Variants in TTN observed in about 807,000 individuals in gnomAD.
TTN encodes connectin.
Under a neutral mutation model 3,223.0 loss-of-function variants are expected in TTN, and 1,525 were observed. That is an observed-to-expected ratio of 0.47 (90% CI 0.45 to 0.49). The LOEUF (loss-of-function observed/expected upper bound fraction) is 0.49. Ranked by LOEUF, TTN falls within the 20% of genes least tolerant of loss-of-function variation. TTN has a pLI of 0.00. For synonymous variants in TTN, 14,094 were observed against 15,161.0 expected (o/e 0.93, Z 5.17); for missense variants, 40,786 against 43,424.0 (o/e 0.94, Z 5.40).
Position 178,591,516 on chromosome 2 carries a change from A to G in TTN, c.60221-12T>C, listed in dbSNP as rs767422374. On this transcript the variant is annotated splice_polypyrimidine_tract_variant and intron_variant, in intron 303 of 362. Transcript: ENST00000589042. ...CACGGATGGAGGCACTGAAAAGTAA[A>G]CATGAAAAAATTAGATTTTGATTTT... 6.3e-7 allele frequency: 1 copy of G among 1,583,392 alleles called. No homozygotes were observed. The highest frequency in any genetic ancestry group is 8.5e-7 in the Non-Finnish European group (1 of 1,171,308).
At chr2:178,748,543 T>A (rs1356759788) in intron 47 of TTN, 2 of 1,613,042 alleles carry the variant, frequency 1.2e-6, no homozygotes, top group Non-Finnish European at 1.7e-6. Context: ...AATACATTTG[T>A]TTTAGATCAA....
In TTN at chr2:178,529,163, G is replaced by T; in HGVS notation, c.106588C>A (p.Pro35530Thr). The change falls in exon 360 of 363, where the codon CCT (proline) becomes ACT (threonine). Residue 35530 changes from proline (P) to threonine (T), a missense_variant. Coordinates refer to ENST00000589042, the MANE Select transcript of TTN (RefSeq NM_001267550.2). ...VSTQKTSEIT[P>T]QKKAVVQEEI... is the part of the protein sequence containing the mutation. ...TCTTGGACAACAGCTTTCTTCTGAG[G>T]TGTAATTTCAGAAGTCTTTTGTGTA... 1 of 1,553,170 alleles carries T rather than the reference G, an allele frequency of 6.4e-7. No individual in the cohort carries two copies. Among genetic ancestry groups the T allele is most frequent in the Non-Finnish European group, 8.7e-7 (1 of 1,155,310 alleles).
rs2154155954 is a variant in TTN at position 178,557,835 on chromosome 2, G to A, written c.87519C>T (p.Tyr29173=). Residue 29173 remains tyrosine (Y), a synonymous_variant, in exon 328 of 363, where the codon TAC becomes TAT. Transcript: ENST00000589042. ...TACTTGTTTCTCTTTTGAGTAGAAT[G>A]TAGTTGGTAACTTGACTTCCACCGT... ...KYDGGSQVTN[Y]ILLKRETSTA... The A allele has an allele frequency of 1.2e-6, 2 of 1,613,962 alleles. No homozygotes were observed. Among genetic ancestry groups the A allele is most frequent in the Non-Finnish European group, 1.7e-6 (2 of 1,179,846 alleles).
rs745424139 is a variant in TTN at position 178,611,062 on chromosome 2, C to T, written c.51067G>A (p.Gly17023Arg). ...EVPKSVRADA[G>R]IYTITLENKL... ...TTCTCCAGTGTAATGGTATAAATTC[C>T]GGCATCTGCACGGACACTCTTGGGA... The change falls in exon 270 of 363, where the codon GGA becomes AGA. Residue 17023 changes from glycine to arginine, a missense_variant. Coordinates refer to ENST00000589042, the MANE Select transcript of TTN (RefSeq NM_001267550.2). 1.4e-5 allele frequency: 22 copies of T among 1,612,682 alleles called. No homozygotes were observed. The highest frequency in any genetic ancestry group is 6.7e-5 in the Admixed American group (4 of 59,938).
At chr2:178,615,004 G>A in intron 259 of TTN, 36 bp from the exon 260 acceptor site, 1 of 1,537,560 alleles carries the variant, frequency 6.5e-7, no homozygotes, top group Non-Finnish European at 8.9e-7. Flanking sequence ...TTACTGTGAT[G>A]TCGATAATCG....
intron 334 of TTN, 50 bp from the exon 335 acceptor site, chr2:178,553,446 G>GTGATTTCC: frequency 6.4e-7 from 1 of 1,571,826 alleles, no homozygotes. Flanking sequence ...GCAAAAAAGA[G>GTGATTTCC]TGATTTCCTG....
intron 34 of TTN, 67 bp downstream of exon 34, chr2:178,771,142 TTG>T: frequency 6.2e-7 from 1 of 1,608,998 alleles, no homozygotes; most frequent in Non-Finnish European, 8.5e-7. Context: ...GCCATATCGT[TTG>T]TCTTTTAAAA....
chr2:178,557,426 C>T lies in TTN; in HGVS notation c.87836G>A (p.Arg29279Lys). Residue 29279 changes from arginine to lysine, a missense_variant, in exon 329 of 363, where the codon AGA becomes AAA. Coordinates refer to ENST00000589042, the MANE Select transcript of TTN (RefSeq NM_001267550.2). The stretch of plus-strand genomic sequence containing the variant: ...GGCTTTTTGCCATAAAATACTGTTT[C>T]TGTCTTTCATTTCCAGGTGATAGCC... The part of the protein sequence containing the change: ...VVGYHLEMKD[R>K]NSILWQKANK... 6.2e-7 allele frequency: 1 copy of T among 1,613,944 alleles called. No homozygotes were observed. The highest frequency in any genetic ancestry group is 1.1e-5 in the South Asian group (1 of 91,086).
Position 178,794,907 on chromosome 2 carries a change from C to T in TTN, c.1245+15G>A, listed in dbSNP as rs778180261. ...GAATGTGAAATAAGGAAAAACAAAA[C>T]CATTCTGACAGTACCTCTTTAGCAC... On this transcript the variant is annotated intron_variant, in intron 7 of 362. Transcript: ENST00000589042. 1.1e-5 allele frequency: 18 copies of T among 1,600,090 alleles called. 1 individual carries two copies. In the South Asian group the frequency reaches 1.3e-4, roughly 12 times the overall value.
In TTN at chr2:178,579,195, T is replaced by C; in HGVS notation, c.67835A>G (p.Asp22612Gly). 1 of 1,613,512 alleles carries C rather than the reference T, an allele frequency of 6.2e-7. No individual in the cohort carries two copies. Among genetic ancestry groups the C allele is most frequent in the Non-Finnish European group, 8.5e-7 (1 of 1,179,594 alleles). Residue 22612 changes from aspartate (D) to glycine (G), a missense_variant, in exon 320 of 363, where the codon GAT becomes GGT. Coordinates refer to ENST00000589042, the MANE Select transcript of TTN (RefSeq NM_001267550.2). ...SAVNTTLIVY[D>G]CQKSDAGKYT... The stretch of plus-strand genomic sequence containing the variant: ...TTTTCCAGCATCAGATTTTTGGCAA[T>C]CGTACACTATAAGAGTTGTGTTAAC...
rs758008217 is a variant in TTN, at chr2:178,610,111, C to G, written c.51415G>C (p.Val17139Leu). 11 of 1,612,816 alleles carry G rather than the reference C, an allele frequency of 6.8e-6. No individual in the cohort carries two copies. Among genetic ancestry groups the G allele is most frequent in the Non-Finnish European group, 9.3e-6 (11 of 1,179,288 alleles). Residue 17139 changes from valine to leucine, a missense_variant, in exon 271 of 363, where the codon GTC (valine) becomes CTC (leucine). Val to Leu is a conservative substitution (Grantham distance 32). Coordinates refer to ENST00000589042, the MANE Select transcript of TTN (RefSeq NM_001267550.2). ...TTACGCTTTGGATCTTGAGCAATGA[C>G]TGGATTTTTCAGTTCAATATATTCT... ...GGEYIELKNP[V>L]IAQDPKQPPD...
intron 52 of TTN, 141 bp downstream of exon 52, chr2:178,734,187 G>T (rs1189903476): frequency 5.8e-6 from 6 of 1,028,108 alleles, no homozygotes; most frequent in East Asian, 2.6e-5. Context: ...TACTGACTTT[G>T]TTCCCAAGGT....
At chr2:178,585,453 T>A (rs1254525045) in intron 308 of TTN, 106 bp from the exon 309 acceptor site, 9 of 1,253,548 alleles carry the variant, frequency 7.2e-6, no homozygotes, top group Non-Finnish European at 9.9e-6. Context: ...CCAATTTTTT[T>A]TAATATATAC....
At position 178,608,841 on chromosome 2, in the gene TTN, CCA is replaced by C; in HGVS notation, c.52168_52169del (p.Trp17390GlyfsTer5). 1 of 1,612,316 alleles carries C rather than the reference CCA, an allele frequency of 6.2e-7. No homozygotes were observed. The highest frequency in any genetic ancestry group is 8.5e-7 in the Non-Finnish European group (1 of 1,179,192). On this transcript the variant is annotated frameshift_variant, in exon 274 of 363. Coordinates refer to ENST00000589042, the MANE Select transcript of TTN (RefSeq NM_001267550.2). LOFTEE classifies it high-confidence loss of function. Reference protein sequence around the residue: ...DIRKTSVLCKWEPPLDDGGSE... With the variant: ...DIRKTSVLCKXEPPLDDGGSE... ...TGCCACCATCATCAAGGGGTGGTTC[CCA>C]TTTACAAAGGACTGAGGTCTTTCTG... is the stretch of plus-strand genomic sequence containing the variant.
Position 178,613,828 on chromosome 2 carries a change from G to A in TTN, c.49455C>T (p.Tyr16485=). 1.2e-6 allele frequency: 2 copies of A among 1,612,586 alleles called. No individual in the cohort carries two copies. Among genetic ancestry groups the A allele is most frequent in the Non-Finnish European group, 1.7e-6 (2 of 1,179,086 alleles). ...DDDGGSPITG[Y]WVERLDPDTD... is the part of the protein sequence containing the mutation. ...TATCAGGATCCAGTCTTTCAACCCAGTATCCTGTGATTGGGCTGCCACCAT... is the reference window on the plus strand; with the variant it reads ...TATCAGGATCCAGTCTTTCAACCCAATATCCTGTGATTGGGCTGCCACCAT... The change falls in exon 263 of 363, where the codon TAC becomes TAT. Residue 16485 remains tyrosine, a synonymous_variant. Transcript: ENST00000589042.
Position 178,567,700 on chromosome 2 carries a change from A to C in TTN, c.78432T>G (p.Ile26144Met), listed in dbSNP as rs759786276. ...GACCTGACACAGTAAATTGAGTTTC[A>C]ATGACATTTGTAAAGCTAGCTTTCA... ...RWMKASFTNV[I>M]ETQFTVSGLT... The change falls in exon 326 of 363, where the codon ATT becomes ATG. Residue 26144 changes from isoleucine to methionine, a missense_variant. By Grantham distance (10) the Ile-to-Met change is conservative (BLOSUM62 1). Transcript: ENST00000589042. 6 of 1,611,796 alleles carry C rather than the reference A, an allele frequency of 3.7e-6. 1 individual carries two copies. The African/African-American group carries it at 6.7e-5, about 18-fold the overall frequency.
At position 178,566,087 on chromosome 2, in the gene TTN, T is replaced by C; in HGVS notation, c.80045A>G (p.Asp26682Gly). 1 of 1,613,680 alleles carries C rather than the reference T, an allele frequency of 6.2e-7. No homozygotes were observed. The highest frequency in any genetic ancestry group is 8.5e-7 in the Non-Finnish European group (1 of 1,179,676). ...KSAFVTVKVLDTPGPPQNLAV... is the reference protein window; with the variant it reads ...KSAFVTVKVLGTPGPPQNLAV... ...CAAATTCTGTGGTGGTCCTGGAGTGTCAAGAACTTTCACAGTTACAAAAGC... is the reference window on the plus strand; with the variant it reads ...CAAATTCTGTGGTGGTCCTGGAGTGCCAAGAACTTTCACAGTTACAAAAGC... Residue 26682 changes from aspartate (D) to glycine (G), a missense_variant, in exon 326 of 363, where the codon GAC becomes GGC. Coordinates refer to ENST00000589042, the MANE Select transcript of TTN (RefSeq NM_001267550.2).
chr2:178,677,505 G>A (rs763270412), intron 146 of TTN, 116 bp downstream of exon 146: 8 of 1,083,868 alleles, frequency 7.4e-6, no homozygotes, highest in African/African-American at 3.2e-5. Context: ...CTAAGATTTA[G>A]GTGGTCAATC....
chr2:178,744,547 C>T, intron 47 of TTN: 1 of 888,312 alleles, frequency 1.1e-6, no homozygotes, highest in Non-Finnish European at 1.3e-6. Context: ...ATAAACATCA[C>T]AATAAAAATT....
Sources: allele counts gnomAD v4.1 joint callset, GRCh38; gene constraint gnomAD v4.1.1; transcripts MANE v1.5; gene names NCBI Gene and HGNC (gene_info 2026-07-23, HGNC 2026-07-21).